The following ANO3 variants were observed in gnomAD, a reference collection of about 807,000 sequenced individuals.
The protein encoded by ANO3 is anoctamin 3.
Under a neutral mutation model 144.8 loss-of-function variants are expected in ANO3, and 99 were observed. The ratio of observed to expected loss-of-function variants is 0.68; its 90% CI spans 0.58 to 0.81. ANO3 has a LOEUF of 0.81. Among genes scored for constraint, ANO3 ranks in the 30% least tolerant of loss-of-function variants. The pLI is 0.00. For synonymous variants in ANO3, 414 were observed against 392.6 expected, an observed-to-expected ratio of 1.05 and a Z score of -0.64; for missense variants, 905 against 1,202.2, an observed-to-expected ratio of 0.75 and a Z score of 3.66.
chr11:26,439,674 G>T (rs926852688), intron 1 of ANO3, among the ~76,000 whole-genome samples: 3 of 152,158 alleles, frequency 2.0e-5, no homozygotes, highest in Non-Finnish European at 4.4e-5. Flanking sequence ...GTCTGGGATA[G>T]ATCTGTATGT....
In ANO3 at chr11:26,407,885, A is replaced by G. The variant is rs1320101423; in HGVS notation, c.47-34033A>G. ...ATTATACCAAACTTTTCTCTCACAT[A>G]CAGATGTTACTACATGTTATAACTT... On this transcript the variant is annotated intron_variant, in intron 1 of 26. Transcript: ENST00000256737. Among the ~76,000 whole-genome samples, 4 of 151,748 alleles carry G rather than the reference A, an allele frequency of 2.6e-5. No homozygotes were observed. In the East Asian group the frequency reaches 7.8e-4, roughly 30 times the overall value.
intron 1 of ANO3, among the ~76,000 whole-genome samples, chr11:26,378,970 C>CAA (rs5790576): frequency 0.17 from 23,435 of 137,734 alleles, 2,202 homozygotes; most frequent in South Asian, 0.28. Flanking sequence ...ACAACTTCTC[C>CAA]AAAAAAAAAA....
intron 14 of ANO3, among the ~76,000 whole-genome samples, chr11:26,567,324 C>T (rs1850630368): frequency 6.6e-6 from 1 of 151,804 alleles, no homozygotes; most frequent in Admixed American, 6.6e-5. Flanking sequence ...CACTGAAAGC[C>T]TCCATGCTGA....
chr11:26,633,007 A>C (rs1041086310), intron 18 of ANO3, among the ~76,000 whole-genome samples: 13 of 152,318 alleles, frequency 8.5e-5, no homozygotes, highest in Middle Eastern at 3.4e-3. Context: ...GGTGGCCCAC[A>C]GACCCTTCCT....
intron 1 of ANO3, among the ~76,000 whole-genome samples, chr11:26,373,482 G>A (rs1308804812): frequency 6.6e-6 from 1 of 152,146 alleles, no homozygotes; most frequent in Non-Finnish European, 1.5e-5. Flanking sequence ...GTGAAACTGT[G>A]TGTCAATTAA....
chr11:26,439,184 A>G (rs1858420628), intron 1 of ANO3, among the ~76,000 whole-genome samples: 2 of 152,258 alleles, frequency 1.3e-5, no homozygotes, highest in African/African-American at 4.8e-5. Context: ...CAACTGGATT[A>G]TAACCTAAAC....
chr11:26,267,097 CAA>C (rs759201943), intron 1 of ANO3, among the ~76,000 whole-genome samples: 2 of 114,906 alleles, frequency 1.7e-5, no homozygotes. Context: ...GTCAAACAAA[CAA>C]AAAAAAAAAA....
At chr11:26,648,255 T>A (rs1015370955) in intron 24 of ANO3, among the ~76,000 whole-genome samples, 2 of 152,032 alleles carry the variant, frequency 1.3e-5, no homozygotes, top group Admixed American at 1.3e-4. Context: ...TGCTAGTTTG[T>A]GGGAAGAAGC....
chr11:26,392,397 G>T (rs1294243117), intron 1 of ANO3, among the ~76,000 whole-genome samples: 1 of 151,870 alleles, frequency 6.6e-6, no homozygotes, highest in Non-Finnish European at 1.5e-5. Flanking sequence ...AATTATATAT[G>T]ATTTACCTTT....
At chr11:26,634,395 C>A in intron 19 of ANO3, 80 bp downstream of exon 19, 1 of 898,240 alleles carries the variant, frequency 1.1e-6, no homozygotes, top group Non-Finnish European at 1.7e-6. Flanking sequence ...TGTTCTTACT[C>A]AAATGATTTC....
intron 14 of ANO3, among the ~76,000 whole-genome samples, chr11:26,583,943 C>A (rs11826517): frequency 1.7e-3 from 256 of 152,254 alleles, no homozygotes; most frequent in African/African-American, 6.0e-3. Flanking sequence ...CCTTTTTTCT[C>A]CGTATTCAGA....
intron 4 of ANO3, among the ~76,000 whole-genome samples, chr11:26,493,162 T>A (rs1285680049): frequency 1.3e-5 from 2 of 152,164 alleles, no homozygotes; most frequent in East Asian, 3.8e-4. Flanking sequence ...AAAAATTATT[T>A]TGTTAAGTTA....
chr11:26,233,085 C>T (rs1448731176), intron 1 of ANO3, among the ~76,000 whole-genome samples: 2 of 151,732 alleles, frequency 1.3e-5, no homozygotes, highest in Admixed American at 6.6e-5. Context: ...GGCCTGGTGG[C>T]GGGCGCCTGT....
chr11:26,294,742 CTT>C (rs1424329282), intron 1 of ANO3, among the ~76,000 whole-genome samples: 1 of 152,160 alleles, frequency 6.6e-6, no homozygotes, highest in Non-Finnish European at 1.5e-5. Flanking sequence ...TTCTTTGAAA[CTT>C]TAAAAACACA....
At chr11:26,403,512 ATATTAGT>A (rs1857201775) in intron 1 of ANO3, among the ~76,000 whole-genome samples, 1 of 151,828 alleles carries the variant, frequency 6.6e-6, no homozygotes, top group African/African-American at 2.4e-5. Context: ...CTTCACTACC[ATATTAGT>A]TCACCTCTGA....
At chr11:26,223,320 T>A (rs570556993) in intron 1 of ANO3, among the ~76,000 whole-genome samples, 1 of 152,264 alleles carries the variant, frequency 6.6e-6, no homozygotes, top group Admixed American at 6.5e-5. Flanking sequence ...AGGTGATCTT[T>A]ACTCAAGTTC....
chr11:26,261,599 T>A (rs1353138247), intron 1 of ANO3, among the ~76,000 whole-genome samples: 2 of 152,198 alleles, frequency 1.3e-5, no homozygotes, highest in Admixed American at 6.5e-5. Flanking sequence ...ACTTGACCCA[T>A]GGCTGGCCAT....
At chr11:26,588,078 A>T (rs1331217287) in intron 14 of ANO3, among the ~76,000 whole-genome samples, 1 of 152,172 alleles carries the variant, frequency 6.6e-6, no homozygotes, top group African/African-American at 2.4e-5. Context: ...TTTGCATAAG[A>T]GTGAAATCCA....
intron 1 of ANO3, among the ~76,000 whole-genome samples, chr11:26,237,689 G>C (rs11029416): frequency 0.017 from 2,529 of 152,052 alleles, 58 homozygotes; most frequent in East Asian, 0.12. Context: ...GACTCTTTCA[G>C]GGTAGGTAAA....
Sources: gnomAD v4.1 joint callset for allele counts (sites outside exome capture counted in the v4.1 genomes callset) on GRCh38, gnomAD v4.1.1 for gene constraint, MANE v1.5 for transcripts, NCBI Gene and HGNC (gene_info 2026-07-23, HGNC 2026-07-21) for gene names.